The following CHST9 variants were observed in gnomAD, a reference collection of about 807,000 sequenced individuals.
CHST9 encodes the protein carbohydrate sulfotransferase 9.
A neutral mutation model predicts 44.4 loss-of-function variants in CHST9; 41 were observed. The observed-to-expected ratio is 0.92, with a 90% CI of 0.72 to 1.20. CHST9 has a LOEUF of 1.20. Ranked by LOEUF, CHST9 falls within the 50% of genes most tolerant of loss-of-function variation. CHST9 has a pLI of 0.00. For missense variants in CHST9, 504 were observed against 516.5 expected (o/e 0.98, Z 0.23); for synonymous variants, 171 against 178.4 (o/e 0.96, Z 0.33).
At chr18:27,167,102 A>G (rs1293841602) in intron 1 of CHST9, among the ~76,000 whole-genome samples, 1 of 152,190 alleles carries the variant, frequency 6.6e-6, no homozygotes, top group Non-Finnish European at 1.5e-5. Flanking sequence ...TAAAGGGAGG[A>G]CATCTTTCTC....
At chr18:27,110,473 A>G (rs1402380124) in intron 2 of CHST9, among the ~76,000 whole-genome samples, 1 of 152,190 alleles carries the variant, frequency 6.6e-6, no homozygotes, top group African/African-American at 2.4e-5. Context: ...TCTCTGGGCC[A>G]CCTGTCATCA....
At chr18:26,990,801 A>C (rs890276579) in intron 4 of CHST9, among the ~76,000 whole-genome samples, 3 of 152,216 alleles carry the variant, frequency 2.0e-5, no homozygotes, top group African/African-American at 7.2e-5. Context: ...AGAAAGTTCT[A>C]GTCCATTGCA....
chr18:26,998,739 C>CAAAAAAAAAAAAAAAA (rs11480705), intron 4 of CHST9, among the ~76,000 whole-genome samples: 3 of 114,108 alleles, frequency 2.6e-5, no homozygotes, highest in East Asian at 2.5e-4. Flanking sequence ...ACAACAACAA[C>CAAAAAAAAAAAAAAAA]AAAAAAAAAA....
chr18:27,043,022 C>T lies in CHST9; in HGVS notation c.160+5443G>A, dbSNP rs889148590. On this transcript the variant is annotated intron_variant, in intron 3 of 5. Transcript: ENST00000618847. The stretch of plus-strand genomic sequence containing the variant: ...CTTATTTTACTTGCTCACTCTGTGG[C>T]ACTGGACAGGTTTGACCAGTCCCTC... 2.0e-5 allele frequency among the ~76,000 whole-genome samples: 3 copies of T among 152,204 alleles called. No homozygotes were observed. The South Asian group carries it at 6.2e-4, about 32-fold the overall frequency.
At chr18:26,933,652 G>T (rs137870321) in intron 5 of CHST9, 1 of 153,580 alleles carries the variant, frequency 6.5e-6, no homozygotes. Context: ...TAAGCAACAC[G>T]TTCACCCAAG....
At chr18:27,121,992 T>C (rs1055134538) in intron 2 of CHST9, among the ~76,000 whole-genome samples, 11 of 152,206 alleles carry the variant, frequency 7.2e-5, no homozygotes, top group African/African-American at 2.7e-4. Flanking sequence ...TGTGGCTTAT[T>C]CTGGGGTGTT....
At chr18:27,140,146 C>T (rs560937149) in intron 2 of CHST9, among the ~76,000 whole-genome samples, 1 of 152,232 alleles carries the variant, frequency 6.6e-6, no homozygotes, top group South Asian at 2.1e-4. Context: ...CTTTTTCCTT[C>T]ATGGAAGTGA....
rs928908637 is a variant in CHST9 at position 26,910,518 on chromosome 18, T to C, written c.*5741A>G. On this transcript the variant is annotated 3_prime_UTR_variant, in exon 6 of 6. Coordinates refer to ENST00000618847, the MANE Select transcript of CHST9 (RefSeq NM_031422.6). ...TGTGAACAACTAGAGATCTCCAACC[T>C]CATCTAAAGGGACTGACCTTGCCTC... 1 of 152,128 alleles carries C rather than the reference T, an allele frequency of 6.6e-6. No homozygotes were observed. Among genetic ancestry groups the C allele is most frequent in the African/African-American group, 2.4e-5 (1 of 41,414 alleles). 9.4% of individuals were successfully genotyped at this position (152,128 alleles called of 1,614,324 possible).
intron 2 of CHST9, among the ~76,000 whole-genome samples, chr18:27,053,342 A>G (rs2057611394): frequency 3.2e-5 from 2 of 62,436 alleles, no homozygotes; most frequent in African/African-American, 1.2e-4. Flanking sequence ...CATTAAAAAA[A>G]AAAAAGCAAT....
At chr18:27,042,673 G>A (rs1247727466) in intron 3 of CHST9, among the ~76,000 whole-genome samples, 1 of 151,988 alleles carries the variant, frequency 6.6e-6, no homozygotes, top group African/African-American at 2.4e-5. Flanking sequence ...TTCATTTAAA[G>A]GCTCAAATAG....
chr18:26,987,439 A>T (rs963940111), intron 4 of CHST9, among the ~76,000 whole-genome samples: 1 of 152,208 alleles, frequency 6.6e-6, no homozygotes, highest in Non-Finnish European at 1.5e-5. Flanking sequence ...ATGGCAACAC[A>T]AAATTGACTA....
chr18:27,152,295 A>T (rs2143900558), intron 1 of CHST9, among the ~76,000 whole-genome samples: 1 of 152,282 alleles, frequency 6.6e-6, no homozygotes, highest in Admixed American at 6.5e-5. Context: ...TTTTAGAAGA[A>T]AAAGTTTTAA....
intron 4 of CHST9, among the ~76,000 whole-genome samples, chr18:27,016,798 G>A (rs1044836801): frequency 6.6e-6 from 1 of 152,076 alleles, no homozygotes; most frequent in Non-Finnish European, 1.5e-5. Flanking sequence ...GATATAGTAT[G>A]CACATATGAT....
intron 1 of CHST9, among the ~76,000 whole-genome samples, chr18:27,169,257 T>G (rs2058814960): frequency 6.6e-6 from 1 of 152,282 alleles, no homozygotes; most frequent in African/African-American, 2.4e-5. Context: ...AATAGAAAAC[T>G]AATACAAGAG....
At chr18:26,996,020 G>C (rs1036957126) in intron 4 of CHST9, among the ~76,000 whole-genome samples, 5 of 152,168 alleles carry the variant, frequency 3.3e-5, no homozygotes, top group African/African-American at 1.2e-4. Flanking sequence ...CTGGATGATA[G>C]AGCCAGATTC....
rs746377269 is a variant in CHST9 at position 27,048,505 on chromosome 18, T to C, written c.122-2A>G. ...GTTCTCTTCTCTTCTCCACTCTCCCTGAAATGAGAAGTGGAAGATAAGTTA... is the reference window on the plus strand; with the variant it reads ...GTTCTCTTCTCTTCTCCACTCTCCCCGAAATGAGAAGTGGAAGATAAGTTA... On this transcript the variant is annotated splice_acceptor_variant, in intron 2 of 5. Coordinates refer to ENST00000618847, the MANE Select transcript of CHST9 (RefSeq NM_031422.6). LOFTEE classifies it high-confidence loss of function. The C allele has an allele frequency of 2.0e-5, 32 of 1,603,312 alleles. No individual in the cohort carries two copies. The highest frequency in any genetic ancestry group is 2.7e-5 in the Non-Finnish European group (32 of 1,174,870).
intron 3 of CHST9, among the ~76,000 whole-genome samples, chr18:27,029,765 G>A (rs12967710): frequency 0.21 from 31,430 of 152,000 alleles, 3,508 homozygotes; most frequent in African/African-American, 0.29. Flanking sequence ...GAGTACAGAC[G>A]CAACCATGTT....
chr18:27,163,411 G>A (rs2143936395), intron 1 of CHST9, among the ~76,000 whole-genome samples: 1 of 152,356 alleles, frequency 6.6e-6, no homozygotes, highest in Non-Finnish European at 1.5e-5. Context: ...GCCCCCTAGA[G>A]GTGGAGTCTA....
chr18:26,964,572 A>G (rs1487080827), intron 4 of CHST9, among the ~76,000 whole-genome samples: 1 of 152,256 alleles, frequency 6.6e-6, no homozygotes, highest in Non-Finnish European at 1.5e-5. Flanking sequence ...GGCCGTAAAC[A>G]GGTATGCCTC....
Sources: gnomAD v4.1 joint callset for allele counts (sites outside exome capture counted in the v4.1 genomes callset) on GRCh38, gnomAD v4.1.1 for gene constraint, MANE v1.5 for transcripts, NCBI Gene and HGNC (gene_info 2026-07-23, HGNC 2026-07-21) for gene names.